Variants in PCDHGA9 observed in about 807,000 individuals in gnomAD.
The protein encoded by PCDHGA9 is protocadherin gamma-A9.
In PCDHGA9, 37 loss-of-function variants were observed where a neutral mutation model predicts 62.5. The observed-to-expected ratio is 0.59, with a 90% CI of 0.46 to 0.78. The LOEUF is 0.78. PCDHGA9 is among the 30% of genes least tolerant of loss of function. The probability of loss-of-function intolerance (pLI) is 0.00; values close to 1 mark genes in which losing one functional copy is unlikely to be tolerated. For synonymous variants in PCDHGA9, 459 were observed against 484.6 expected (o/e 0.95, Z 0.69); for missense variants, 1,138 against 1,166.2 (o/e 0.98, Z 0.35).
intron 1 of PCDHGA9, chr5:141,414,112 T>C (rs967826724): frequency 1.3e-6 from 2 of 1,592,428 alleles, no homozygotes; most frequent in African/African-American, 2.7e-5. Context: ...AAATCTAGAT[T>C]ATGAAGAAAC....
At chr5:141,472,010 C>T (rs1305786275) in intron 1 of PCDHGA9, among the ~76,000 whole-genome samples, 1 of 151,978 alleles carries the variant, frequency 6.6e-6, no homozygotes, top group Non-Finnish European at 1.5e-5. Flanking sequence ...CGTATAGGGG[C>T]ACTATATTGT....
intron 1 of PCDHGA9, chr5:141,418,610 C>T: frequency 6.2e-7 from 1 of 1,614,054 alleles, no homozygotes; most frequent in Non-Finnish European, 8.5e-7. Context: ...CAGGGTTAGC[C>T]TTCGGGAAGA....
chr5:141,413,483 G>A (rs2095646690), intron 1 of PCDHGA9: 1 of 1,614,080 alleles, frequency 6.2e-7, no homozygotes, highest in East Asian at 2.2e-5. Flanking sequence ...TGCGCTCAGA[G>A]CGCGCGGTGC....
At chr5:141,437,764 A>G (rs1408729040) in intron 1 of PCDHGA9, among the ~76,000 whole-genome samples, 1 of 149,226 alleles carries the variant, frequency 6.7e-6, no homozygotes, top group Non-Finnish European at 1.5e-5. Flanking sequence ...TTTGAGACAG[A>G]GTCTCAATCT....
Position 141,417,741 on chromosome 5 carries a change from A to G in PCDHGA9, c.2424+12365A>G, listed in dbSNP as rs1035037382. ...CTGCGCAGACCTTGCCCAGCACACCAGATTGCCAGCTCCGAGACCCGGGAC... is the reference window on the plus strand; with the variant it reads ...CTGCGCAGACCTTGCCCAGCACACCGGATTGCCAGCTCCGAGACCCGGGAC... On this transcript the variant is annotated intron_variant, in intron 1 of 3. Coordinates refer to ENST00000573521, the MANE Select transcript of PCDHGA9 (RefSeq NM_018921.3). The G allele has an allele frequency of 1.7e-5, 24 of 1,413,756 alleles. No individual in the cohort carries two copies. The African/African-American group carries it at 1.7e-4, about 10-fold the overall frequency. The allele number at this position is 1,413,756 out of a possible 1,614,324, so 87.6% of individuals were successfully genotyped here.
rs773232677 is a variant in PCDHGA9, at chr5:141,490,388, G to A, written c.2425-4419G>A. 2 of 1,614,206 alleles carry A rather than the reference G, an allele frequency of 1.2e-6. No homozygotes were observed. The highest frequency in any genetic ancestry group is 2.2e-5 in the East Asian group (1 of 44,878). The stretch of plus-strand genomic sequence containing the variant: ...CGAGACCGGGACTCAGGTAGAAATG[G>A]TGAAGTGAGCCTTGATATCTCTCCG... On this transcript the variant is annotated intron_variant, in intron 1 of 3. Transcript: ENST00000573521. The surrounding 1 kb of genome is among the most constrained non-coding windows in gnomAD (Gnocchi z 5.4).
At chr5:141,420,077 C>A (rs760626443) in intron 1 of PCDHGA9, 1 of 1,613,900 alleles carries the variant, frequency 6.2e-7, no homozygotes, top group Non-Finnish European at 8.5e-7. Context: ...ACCTGTGGGT[C>A]CCCCCAACTA....
chr5:141,478,826 G>A, intron 1 of PCDHGA9: 2 of 1,439,244 alleles, frequency 1.4e-6, no homozygotes, highest in Non-Finnish European at 1.8e-6. Context: ...AACCAATCTT[G>A]CTAAGGGATG....
Position 141,402,942 on chromosome 5 carries a change from G to A in PCDHGA9, c.-11G>A. 1 of 1,591,382 alleles carries A rather than the reference G, an allele frequency of 6.3e-7. No individual in the cohort carries two copies. Among genetic ancestry groups the A allele is most frequent in the Non-Finnish European group, 8.6e-7 (1 of 1,168,324 alleles). On this transcript the variant is annotated 5_prime_UTR_variant, in exon 1 of 4. Transcript: ENST00000573521. ...GAGATCCTTTTGAGAAAATTCCAAA[G>A]CGAGGCAGCAATGGCAGCTCCAACC... is the stretch of plus-strand genomic sequence containing the variant.
Position 141,487,297 on chromosome 5 carries a change from C to T in PCDHGA9, c.2425-7510C>T, listed in dbSNP as rs770262058. ...TTTGCTTTGTCTCCTTTGGCTCATT[C>T]GTGGCACTACTCTCTAAGTGTCTTC... On this transcript the variant is annotated intron_variant, in intron 1 of 3. Coordinates refer to ENST00000573521, the MANE Select transcript of PCDHGA9 (RefSeq NM_018921.3). This position sits in a 1 kb window ranked among gnomAD's most constrained non-coding sequence, Gnocchi z 5.0. The T allele has an allele frequency of 3.2e-5, 52 of 1,613,984 alleles. No homozygotes were observed. The highest frequency in any genetic ancestry group is 4.0e-5 in the African/African-American group (3 of 74,912).
intron 3 of PCDHGA9, among the ~76,000 whole-genome samples, chr5:141,506,904 C>T (rs55892286): frequency 0.2 from 30,589 of 152,050 alleles, 3,131 homozygotes; most frequent in Middle Eastern, 0.24. Flanking sequence ...ACTGTCATCA[C>T]ACCTGGGCAC....
At chr5:141,502,056 C>A (rs1163976282) in intron 2 of PCDHGA9, among the ~76,000 whole-genome samples, 1 of 152,116 alleles carries the variant, frequency 6.6e-6, no homozygotes, top group Non-Finnish European at 1.5e-5. Context: ...CTACTTTATT[C>A]CCATTAGCCC....
intron 1 of PCDHGA9, chr5:141,407,996 TGG>T: frequency 1.1e-6 from 1 of 872,310 alleles, no homozygotes; most frequent in South Asian, 2.0e-5. Flanking sequence ...GCCTCTGGCC[TGG>T]GATTCCCTGC....
At chr5:141,418,898 A>G (rs768409383) in intron 1 of PCDHGA9, 2 of 1,614,016 alleles carry the variant, frequency 1.2e-6, no homozygotes, top group South Asian at 2.2e-5. Flanking sequence ...CAGCCCAGAA[A>G]TAATCATCAC....
At chr5:141,409,524 A>AT (rs1357085904) in intron 1 of PCDHGA9, 9 of 1,613,854 alleles carry the variant, frequency 5.6e-6, no homozygotes, top group Non-Finnish European at 6.8e-6. Context: ...ATCACCTTGT[A>AT]TGTCGCTGAC....
chr5:141,405,089 G>T lies in PCDHGA9; in HGVS notation c.2137G>T (p.Ala713Ser). 2 of 1,613,878 alleles carry T rather than the reference G, an allele frequency of 1.2e-6. No homozygotes were observed. Among genetic ancestry groups the T allele is most frequent in the South Asian group, 2.2e-5 (2 of 91,080 alleles). Reference sequence around the variant, plus strand: ...CCTCACCTTCGTTATCACGCTGCTGGCCCTCAGGCTGAGGCACTGGCACTC... The same window carrying T: ...CCTCACCTTCGTTATCACGCTGCTGTCCCTCAGGCTGAGGCACTGGCACTC... ...VFLTFVITLL[A>S]LRLRHWHSSH... The change falls in exon 1 of 4, where the codon GCC (alanine) becomes TCC (serine). Residue 713 changes from alanine to serine, a missense_variant. Physicochemically the swap from Ala to Ser is moderately conservative, Grantham distance 99 (BLOSUM62 1). Transcript: ENST00000573521.
intron 2 of PCDHGA9, among the ~76,000 whole-genome samples, chr5:141,503,595 G>T (rs6892628): frequency 0.52 from 72,995 of 139,870 alleles, 19,322 homozygotes; most frequent in African/African-American, 0.64. Flanking sequence ...CGAGACTCCA[G>T]CTCAAAAAAA....
At chr5:141,408,667 C>G in intron 1 of PCDHGA9, 1 of 1,613,954 alleles carries the variant, frequency 6.2e-7, no homozygotes, top group Non-Finnish European at 8.5e-7. Context: ...TATCGCTTGA[C>G]CCTGCCACGG....
At chr5:141,414,748 G>A in intron 1 of PCDHGA9, 5 of 1,614,182 alleles carry the variant, frequency 3.1e-6, no homozygotes, top group Non-Finnish European at 4.2e-6. Context: ...CAGATCCTTC[G>A]ACTATGAGCA....
Sources: gnomAD v4.1 joint callset for allele counts (sites outside exome capture counted in the v4.1 genomes callset) on GRCh38, gnomAD v4.1.1 for gene constraint, Gnocchi (gnomAD v3.1) non-coding constraint, MANE v1.5 for transcripts, NCBI Gene and HGNC (gene_info 2026-07-23, HGNC 2026-07-21) for gene names.